ANK3: variants seen among roughly 807,000 people sequenced by gnomAD.
ANK3 encodes the protein ankyrin 3, also known as ankyrin-3.
In ANK3, 57 loss-of-function variants were observed where a neutral mutation model predicts 370.9. The observed-to-expected ratio is 0.15, with a 90% CI of 0.12 to 0.19. The LOEUF (loss-of-function observed/expected upper bound fraction) is 0.19, where lower values mean the gene tolerates loss of function less well. Among genes scored for constraint, ANK3 ranks in the 10% least tolerant of loss-of-function variants. The pLI is 1.00. For missense variants in ANK3, 4,439 were observed against 5,302.1 expected (o/e 0.84, Z 5.06); for synonymous variants, 1,929 against 1,946.3 (o/e 0.99, Z 0.23).
chr10:60,155,048 T>C (rs1461435605), intron 23 of ANK3, among the ~76,000 whole-genome samples: 1 of 152,084 alleles, frequency 6.6e-6, no homozygotes, highest in Admixed American at 6.5e-5. Flanking sequence ...ACTCCAGTGA[T>C]TTTCCCCTCA....
At chr10:60,126,614 G>A (rs972830614) in intron 25 of ANK3, among the ~76,000 whole-genome samples, 1 of 151,812 alleles carries the variant, frequency 6.6e-6, no homozygotes, top group African/African-American at 2.4e-5. Flanking sequence ...CTTGAATCCG[G>A]GAGGTAGAGG....
At position 60,463,679 on chromosome 10, in the gene ANK3, TA is replaced by T. The variant is rs11374773; in HGVS notation, c.96+151506del. 7.3e-3 allele frequency among the ~76,000 whole-genome samples: 1,066 copies of T among 146,272 alleles called. 19 individuals carry two copies. Among genetic ancestry groups the T allele is most frequent in the African/African-American group, 0.025 (985 of 40,144 alleles). ...ATGGTGAACATTTTACAATCTTGCT[TA>T]AAAAAAAAAACCCAAACCAAATAAT... On this transcript the variant is annotated intron_variant, in intron 2 of 43. Transcript: ENST00000373827.
chr10:60,084,296 C>T, intron 32 of ANK3: 1 of 159,044 alleles, frequency 6.3e-6, no homozygotes, highest in Non-Finnish European at 1.4e-5. Flanking sequence ...ATCCGAGCTA[C>T]TTGGGAGGCT....
At chr10:60,568,823 C>T (rs1033347034) in intron 2 of ANK3, among the ~76,000 whole-genome samples, 3 of 151,936 alleles carry the variant, frequency 2.0e-5, no homozygotes, top group Non-Finnish European at 4.4e-5. Context: ...GGATGAGGTC[C>T]TAATATGATA....
At chr10:60,501,024 C>G (rs1309326361) in intron 2 of ANK3, among the ~76,000 whole-genome samples, 1 of 152,074 alleles carries the variant, frequency 6.6e-6, no homozygotes, top group Non-Finnish European at 1.5e-5. Context: ...GTTAATCAAC[C>G]ATGTCATCAA....
chr10:60,366,571 C>T (rs938514326), intron 1 of ANK3, among the ~76,000 whole-genome samples: 6 of 151,306 alleles, frequency 4.0e-5, no homozygotes, highest in Admixed American at 1.3e-4. Context: ...CTAGACTTTT[C>T]CTGTTTAATA....
chr10:60,112,394 A>G (rs1590167895), intron 26 of ANK3, among the ~76,000 whole-genome samples: 1 of 151,840 alleles, frequency 6.6e-6, no homozygotes, highest in South Asian at 2.1e-4. Flanking sequence ...ACCCATATGC[A>G]TTGAATATAA....
At chr10:60,088,062 T>A (rs1182963719) in intron 29 of ANK3, 85 bp downstream of exon 29, 1 of 1,052,574 alleles carries the variant, frequency 9.5e-7, no homozygotes, top group Admixed American at 1.9e-5. Context: ...ATCATTAGGA[T>A]GTTAGAATAA....
intron 23 of ANK3, among the ~76,000 whole-genome samples, chr10:60,158,752 T>C (rs1241183341): frequency 6.8e-6 from 1 of 148,110 alleles, no homozygotes; most frequent in East Asian, 2.0e-4. Flanking sequence ...CTTGGCTCAC[T>C]GCAATCTCCG....
chr10:60,099,948 G>T (rs1464457733), intron 28 of ANK3, among the ~76,000 whole-genome samples: 1 of 151,960 alleles, frequency 6.6e-6, no homozygotes. Context: ...GCCTGATATG[G>T]GGGGTGGGGG....
chr10:60,388,269 C>T (rs997415495), intron 1 of ANK3, among the ~76,000 whole-genome samples: 2 of 152,160 alleles, frequency 1.3e-5, no homozygotes, highest in Non-Finnish European at 2.9e-5. Flanking sequence ...CAGCTTCAAT[C>T]TCAAAGTCAG....
chr10:60,351,991 T>A (rs1028513430), intron 1 of ANK3, among the ~76,000 whole-genome samples: 2 of 152,168 alleles, frequency 1.3e-5, no homozygotes, highest in African/African-American at 4.8e-5. Context: ...TTCATTTGAA[T>A]TCTGTATTAA....
In ANK3 at chr10:60,609,117, G is replaced by A. The variant is rs10994428; in HGVS notation, c.96+6069C>T. On this transcript the variant is annotated intron_variant, in intron 2 of 43. Coordinates refer to the ANK3 transcript ENST00000373827. ...TGGTGATCATTGAAATTTATCAAAC[G>A]TACTTGCCAAGAACTTTTTGAGAAC... is the stretch of plus-strand genomic sequence containing the variant. 4.2e-3 allele frequency among the ~76,000 whole-genome samples: 644 copies of A among 152,198 alleles called. 17 individuals carry two copies. The East Asian group carries it at 0.088, about 21-fold the overall frequency.
At chr10:60,406,313 G>T (rs1427004071) in intron 2 of ANK3, among the ~76,000 whole-genome samples, 2 of 152,180 alleles carry the variant, frequency 1.3e-5, no homozygotes, top group African/African-American at 4.8e-5. Flanking sequence ...GTTGTAGTTT[G>T]CTGACCCCTA....
chr10:60,166,496 T>C (rs2095627288), intron 23 of ANK3, 95 bp downstream of exon 23: 1 of 926,782 alleles, frequency 1.1e-6, no homozygotes, highest in East Asian at 2.6e-5. Flanking sequence ...ATATGAAAAG[T>C]TAGTAACTCA....
intron 23 of ANK3, among the ~76,000 whole-genome samples, chr10:60,166,213 T>C (rs1292518570): frequency 2.0e-5 from 3 of 152,168 alleles, no homozygotes; most frequent in African/African-American, 4.8e-5. Flanking sequence ...GGATTTCCTA[T>C]AAGGAAACTT....
At chr10:60,670,784 G>T (rs777257799) in intron 1 of ANK3, among the ~76,000 whole-genome samples, 1 of 152,204 alleles carries the variant, frequency 6.6e-6, no homozygotes, top group Non-Finnish European at 1.5e-5. Flanking sequence ...TTGAAGAAGG[G>T]CATGTGCCTA....
chr10:60,281,561 C>T (rs2098163596), intron 1 of ANK3, among the ~76,000 whole-genome samples: 1 of 152,172 alleles, frequency 6.6e-6, no homozygotes, highest in Admixed American at 6.5e-5. Flanking sequence ...CAATGTGACT[C>T]CATGTAATAT....
At position 60,181,354 on chromosome 10, in the gene ANK3, C is replaced by T. The variant is rs765703723; in HGVS notation, c.2159G>A (p.Gly720Glu). ...VNVAEVLVNQGAHVDAQTKMG... is the reference protein window; with the variant it reads ...VNVAEVLVNQEAHVDAQTKMG... Reference sequence around the variant, plus strand: ...CTTTGTCTGGGCGTCCACATGAGCCCCTTGGTTTACGAGGACTTCTGCCAC... The same window carrying T: ...CTTTGTCTGGGCGTCCACATGAGCCTCTTGGTTTACGAGGACTTCTGCCAC... Residue 720 changes from glycine (G) to glutamate (E), a missense_variant, in exon 18 of 44, where the codon GGG (glycine) becomes GAG (glutamate). By Grantham distance (98) the Gly-to-Glu change is moderately conservative. Transcript: ENST00000280772. 3.8e-5 allele frequency: 62 copies of T among 1,614,120 alleles called. No homozygotes were observed. Among genetic ancestry groups the T allele is most frequent in the Non-Finnish European group, 5.2e-5 (61 of 1,180,008 alleles).
Sources: allele counts gnomAD v4.1 joint callset (sites outside exome capture counted in the v4.1 genomes callset), GRCh38; gene constraint gnomAD v4.1.1; transcripts MANE v1.5; gene names NCBI Gene and HGNC (gene_info 2026-07-23, HGNC 2026-07-21).